The following SORCS2 variants were observed in gnomAD, a reference collection of about 807,000 sequenced individuals.
The protein encoded by SORCS2 is VPS10 domain-containing receptor SorCS2.
In SORCS2, 100 loss-of-function variants were observed where a neutral mutation model predicts 141.6. The ratio of observed to expected loss-of-function variants is 0.71; its 90% CI spans 0.60 to 0.83. SORCS2 has a LOEUF of 0.83. Among genes scored for constraint, SORCS2 ranks in the 40% least tolerant of loss-of-function variants. The pLI is 0.00. For missense variants in SORCS2, 1,646 were observed against 1,560.2 expected (o/e 1.05, Z -0.93); for synonymous variants, 789 against 676.9 (o/e 1.17, Z -2.57).
At chr4:7,645,160 G>C (rs1720991304) in intron 4 of SORCS2, among the ~76,000 whole-genome samples, 1 of 152,212 alleles carries the variant, frequency 6.6e-6, no homozygotes. Flanking sequence ...TCTATTGACT[G>C]TGGGTATGAG....
intron 1 of SORCS2, among the ~76,000 whole-genome samples, chr4:7,248,417 C>T (rs1195064966): frequency 6.6e-6 from 1 of 152,214 alleles, no homozygotes; most frequent in Non-Finnish European, 1.5e-5. Context: ...GGTCAAGTTA[C>T]TTAACCTCTC....
intron 3 of SORCS2, among the ~76,000 whole-genome samples, chr4:7,598,050 C>A (rs1261642782): frequency 6.6e-6 from 1 of 151,148 alleles, no homozygotes; most frequent in Non-Finnish European, 1.5e-5. Context: ...CTCACTGCAA[C>A]CTCTGTCTCC....
intron 1 of SORCS2, among the ~76,000 whole-genome samples, chr4:7,265,489 C>CA (rs59391917): frequency 0.19 from 29,515 of 151,772 alleles, 3,037 homozygotes; most frequent in Middle Eastern, 0.29. Context: ...GACTCCATCT[C>CA]AAAAAAATAA....
chr4:7,291,569 C>T (rs1716605474), intron 1 of SORCS2, among the ~76,000 whole-genome samples: 1 of 152,164 alleles, frequency 6.6e-6, no homozygotes, highest in South Asian at 2.1e-4. Flanking sequence ...GTTTCTTCTA[C>T]AGCAGCAGAA....
chr4:7,571,346 G>A (rs1208520523), intron 3 of SORCS2, among the ~76,000 whole-genome samples: 2 of 152,160 alleles, frequency 1.3e-5, no homozygotes, highest in Non-Finnish European at 2.9e-5. Flanking sequence ...GGGCATCCTG[G>A]GTGGTGGGTA....
intron 1 of SORCS2, among the ~76,000 whole-genome samples, chr4:7,224,539 G>A (rs769824097): frequency 2.0e-5 from 3 of 152,202 alleles, no homozygotes; most frequent in Non-Finnish European, 4.4e-5. Flanking sequence ...TCCATGGCTG[G>A]GGGAGTGTAT....
chr4:7,534,267 G>A (rs561182411), intron 3 of SORCS2, among the ~76,000 whole-genome samples: 55 of 152,316 alleles, frequency 3.6e-4, no homozygotes, highest in Non-Finnish European at 7.1e-4. Flanking sequence ...TGGATTTGCA[G>A]GGTGGTGTAG....
chr4:7,710,648 C>T (rs1318493038), intron 14 of SORCS2, among the ~76,000 whole-genome samples: 4 of 152,204 alleles, frequency 2.6e-5, no homozygotes, highest in Non-Finnish European at 5.9e-5. Flanking sequence ...CAAGTGGGGT[C>T]CATCTGGAGA....
rs962564387 is a variant in SORCS2 at position 7,714,078 on chromosome 4, A to T, written c.1990-162A>T. On this transcript the variant is annotated intron_variant, in intron 15 of 26. Transcript: ENST00000507866. Reference sequence around the variant, plus strand: ...TTGGGATGAGAGGGAGGCTTCCCCAACTTGACTGCAGACATGTCACGCCCC... The same window carrying T: ...TTGGGATGAGAGGGAGGCTTCCCCATCTTGACTGCAGACATGTCACGCCCC... 1.5e-4 allele frequency among the ~76,000 whole-genome samples: 23 copies of T among 152,162 alleles called. No homozygotes were observed. The South Asian group carries it at 1.7e-3, about 11-fold the overall frequency.
At chr4:7,380,818 G>A (rs1208283182) in intron 1 of SORCS2, among the ~76,000 whole-genome samples, 2 of 152,360 alleles carry the variant, frequency 1.3e-5, no homozygotes, top group South Asian at 2.1e-4. Flanking sequence ...AGGTGCGGTG[G>A]CTCACGCCTG....
intron 1 of SORCS2, among the ~76,000 whole-genome samples, chr4:7,374,731 G>T (rs904171621): frequency 6.6e-6 from 1 of 152,130 alleles, no homozygotes; most frequent in Admixed American, 6.5e-5. Context: ...ACAGTGTCTC[G>T]GTCACCTCCC....
chr4:7,215,459 A>G (rs1261433342), intron 1 of SORCS2, among the ~76,000 whole-genome samples: 4 of 151,858 alleles, frequency 2.6e-5, no homozygotes, highest in African/African-American at 7.3e-5. Context: ...GACGAGCGCG[A>G]CCCCCTGCTC....
At chr4:7,534,683 G>C (rs994475949) in intron 3 of SORCS2, among the ~76,000 whole-genome samples, 1 of 152,158 alleles carries the variant, frequency 6.6e-6, no homozygotes, top group Non-Finnish European at 1.5e-5. Context: ...GGCAGGGCCT[G>C]GTTGGGGCCA....
At chr4:7,269,632 G>A (rs751154806) in intron 1 of SORCS2, among the ~76,000 whole-genome samples, 6 of 152,210 alleles carry the variant, frequency 3.9e-5, no homozygotes, top group Non-Finnish European at 8.8e-5. Context: ...GTATCCCCAA[G>A]CCAAGGTATG....
chr4:7,590,908 A>T (rs575028464), intron 3 of SORCS2, among the ~76,000 whole-genome samples: 1 of 152,342 alleles, frequency 6.6e-6, no homozygotes, highest in South Asian at 2.1e-4. Context: ...ACACATCACC[A>T]TATCTATATA....
chr4:7,555,142 C>T (rs1311788438), intron 3 of SORCS2, among the ~76,000 whole-genome samples: 1 of 152,206 alleles, frequency 6.6e-6, no homozygotes, highest in East Asian at 1.9e-4. Context: ...AAGACCTCTT[C>T]AGGGTAAACA....
intron 8 of SORCS2, 134 bp from the exon 9 acceptor site, chr4:7,675,916 G>A: frequency 1.0e-6 from 1 of 980,518 alleles, no homozygotes; most frequent in Non-Finnish European, 1.5e-6. Flanking sequence ...GAGCCAGGAG[G>A]CAAACCTAGG....
chr4:7,724,400 GATAGTA>G (rs1726898317), intron 19 of SORCS2, among the ~76,000 whole-genome samples: 1 of 139,272 alleles, frequency 7.2e-6, no homozygotes. Flanking sequence ...TGGTGATGGT[GATAGTA>G]GTGGTGGGAA....
intron 19 of SORCS2, among the ~76,000 whole-genome samples, 168 bp from the exon 20 acceptor site, chr4:7,724,986 G>GC: frequency 7.0e-6 from 1 of 143,154 alleles, no homozygotes; most frequent in African/African-American, 2.8e-5. Context: ...GGTGGGAATG[G>GC]ATGGTGGTAG....
Sources: gnomAD v4.1 joint callset for allele counts (sites outside exome capture counted in the v4.1 genomes callset) on GRCh38, gnomAD v4.1.1 for gene constraint, MANE v1.5 for transcripts, NCBI Gene and HGNC (gene_info 2026-07-23, HGNC 2026-07-21) for gene names.